TAFA1: variants seen among roughly 807,000 people sequenced by gnomAD.
TAFA1 encodes the protein chemokine-like protein TAFA-1.
In TAFA1, 4 loss-of-function variants were observed where a neutral mutation model predicts 18.5. The observed-to-expected ratio is 0.22, with a 90% CI of 0.11 to 0.49. The LOEUF is 0.49. Ranked by LOEUF, TAFA1 falls within the 20% of genes least tolerant of loss-of-function variation. TAFA1 has a pLI of 0.98. For synonymous variants in TAFA1, 56 were observed against 55.2 expected (o/e 1.01, Z -0.06); for missense variants, 147 against 169.0 (o/e 0.87, Z 0.72).
intron 2 of TAFA1, among the ~76,000 whole-genome samples, chr3:68,303,671 G>C (rs1298947420): frequency 1.3e-5 from 2 of 151,998 alleles, no homozygotes; most frequent in Non-Finnish European, 2.9e-5. Context: ...GGATGGTCTT[G>C]ATCTCCTGAC....
chr3:68,022,966 G>GTT lies in TAFA1; in HGVS notation c.118+16238_118+16239dup, dbSNP rs752272309. Among the ~76,000 whole-genome samples, 103 of 122,080 alleles carry GTT rather than the reference G, an allele frequency of 8.4e-4. 1 individual carries two copies. The highest frequency in any genetic ancestry group is 2.8e-3 in the African/African-American group (92 of 32,722). 80.1% of individuals were successfully genotyped at this position (122,080 alleles called of 152,430 possible). On this transcript the variant is annotated intron_variant, in intron 2 of 4. Coordinates refer to ENST00000478136, the MANE Select transcript of TAFA1 (RefSeq NM_213609.4). Reference sequence around the variant, plus strand: ...TTACCACTGTGAGAAAGTTACTCTTGTTTTTTTTTTTTTTTTTACTTTGTA... The same window carrying GTT: ...TTACCACTGTGAGAAAGTTACTCTTGTTTTTTTTTTTTTTTTTTTACTTTGTA...
intron 3 of TAFA1, among the ~76,000 whole-genome samples, chr3:68,497,100 C>T (rs772889606): frequency 6.6e-6 from 1 of 152,126 alleles, no homozygotes; most frequent in Non-Finnish European, 1.5e-5. Context: ...ATGTATTAGA[C>T]ATGATTATAA....
chr3:68,347,604 A>G (rs2069185352), intron 2 of TAFA1, among the ~76,000 whole-genome samples: 1 of 152,234 alleles, frequency 6.6e-6, no homozygotes, highest in South Asian at 2.1e-4. Flanking sequence ...TGGGCAGCAT[A>G]AAAATGAATG....
intron 2 of TAFA1, among the ~76,000 whole-genome samples, chr3:68,260,294 G>C (rs986829562): frequency 1.3e-5 from 2 of 152,116 alleles, no homozygotes; most frequent in Non-Finnish European, 2.9e-5. Flanking sequence ...AAGCCCACTT[G>C]ATCATGGTGG....
chr3:68,430,309 T>C (rs2071144914), intron 3 of TAFA1, among the ~76,000 whole-genome samples: 1 of 151,874 alleles, frequency 6.6e-6, no homozygotes, highest in Non-Finnish European at 1.5e-5. Context: ...AGAAAAGCCA[T>C]GGGTTTTAAT....
chr3:68,514,549 A>G (rs1373644540), intron 3 of TAFA1, among the ~76,000 whole-genome samples: 1 of 152,122 alleles, frequency 6.6e-6, no homozygotes, highest in Non-Finnish European at 1.5e-5. Context: ...TGGCCATGAA[A>G]TATAAGGCCA....
intron 3 of TAFA1, among the ~76,000 whole-genome samples, chr3:68,505,427 T>C (rs2072730996): frequency 6.6e-6 from 1 of 152,172 alleles, no homozygotes; most frequent in South Asian, 2.1e-4. Context: ...CTTTTCTATT[T>C]CTGCAAACCA....
chr3:68,444,481 G>C (rs1394278701), intron 3 of TAFA1, among the ~76,000 whole-genome samples: 1 of 152,110 alleles, frequency 6.6e-6, no homozygotes, highest in Non-Finnish European at 1.5e-5. Context: ...GCTCTTGGCT[G>C]AGCTTTCCAG....
intron 3 of TAFA1, among the ~76,000 whole-genome samples, chr3:68,506,472 GAC>G (rs55813351): frequency 2.0e-5 from 3 of 150,716 alleles, no homozygotes; most frequent in African/African-American, 4.9e-5. Flanking sequence ...CACACACAGA[GAC>G]ACACACACAC....
intron 2 of TAFA1, among the ~76,000 whole-genome samples, chr3:68,397,209 A>C (rs550510575): frequency 6.6e-6 from 1 of 152,210 alleles, no homozygotes; most frequent in African/African-American, 2.4e-5. Context: ...TTTGTTACAT[A>C]GGTATGCATC....
intron 3 of TAFA1, among the ~76,000 whole-genome samples, chr3:68,450,121 A>G (rs1046433702): frequency 6.6e-6 from 1 of 152,208 alleles, no homozygotes; most frequent in African/African-American, 2.4e-5. Flanking sequence ...CTGAGGATGG[A>G]AAGAAGGGAT....
chr3:68,061,881 T>C (rs1450522017), intron 2 of TAFA1, among the ~76,000 whole-genome samples: 6 of 152,198 alleles, frequency 3.9e-5, no homozygotes, highest in Admixed American at 3.9e-4. Flanking sequence ...TCTCTTTTTG[T>C]GTGCCCTGAA....
At chr3:68,189,653 A>G (rs2066313959) in intron 2 of TAFA1, among the ~76,000 whole-genome samples, 1 of 151,880 alleles carries the variant, frequency 6.6e-6, no homozygotes. Flanking sequence ...CTCAGTTCAG[A>G]TAAAAATGGC....
chr3:68,435,164 A>G (rs2106848586), intron 3 of TAFA1, among the ~76,000 whole-genome samples: 1 of 152,144 alleles, frequency 6.6e-6, no homozygotes, highest in South Asian at 2.1e-4. Flanking sequence ...CCAGTCTGGG[A>G]CTCTAAGTGA....
In TAFA1 at chr3:68,314,149, A is replaced by G. The variant is rs536497748; in HGVS notation, c.119-103131A>G. Among the ~76,000 whole-genome samples, 3 of 152,222 alleles carry G rather than the reference A, an allele frequency of 2.0e-5. No individual in the cohort carries two copies. The East Asian group carries it at 5.8e-4, about 29-fold the overall frequency. ...TTAGTGTTTGGTTGTTGTTTTTCCT[A>G]TGGTAGTCTATGAAAAATCTTTAGG... On this transcript the variant is annotated intron_variant, in intron 2 of 4. Transcript: ENST00000478136.
intron 3 of TAFA1, among the ~76,000 whole-genome samples, chr3:68,456,089 C>T (rs1363818003): frequency 6.6e-6 from 1 of 152,146 alleles, no homozygotes; most frequent in African/African-American, 2.4e-5. Context: ...CAATTATTTA[C>T]TAGCAAGGTA....
At chr3:68,244,563 A>G (rs944587204) in intron 2 of TAFA1, among the ~76,000 whole-genome samples, 1 of 152,120 alleles carries the variant, frequency 6.6e-6, no homozygotes, top group South Asian at 2.1e-4. Context: ...TTTTGTAGAG[A>G]CAGAGTCTTG....
Position 68,417,173 on chromosome 3 carries a change from T to C in TAFA1, c.119-107T>C. On this transcript the variant is annotated intron_variant, in intron 2 of 4. Transcript: ENST00000478136. ...GTAATTGTATTTCATGGAAACTGTT[T>C]CTATAATTTCAATTACTTTCCTCAA... 3.7e-6 allele frequency: 3 copies of C among 812,138 alleles called. 1 individual carries two copies. Among genetic ancestry groups the C allele is most frequent in the South Asian group, 3.5e-5 (2 of 56,644 alleles). 50.3% of individuals were successfully genotyped at this position (812,138 alleles called of 1,614,324 possible).
intron 4 of TAFA1, among the ~76,000 whole-genome samples, chr3:68,541,852 G>A (rs1033224604): frequency 2.0e-5 from 3 of 152,068 alleles, no homozygotes; most frequent in Non-Finnish European, 2.9e-5. Context: ...TAATCATCCT[G>A]AACAAAATTC....
Sources: allele counts gnomAD v4.1 joint callset (sites outside exome capture counted in the v4.1 genomes callset), GRCh38; gene constraint gnomAD v4.1.1; transcripts MANE v1.5; gene names NCBI Gene and HGNC (gene_info 2026-07-23, HGNC 2026-07-21).